Variants in EPCIP observed in about 807,000 individuals in gnomAD.
EPCIP encodes the protein exosomal polycystin 1 interacting protein, also known as exosomal polycystin-1-interacting protein.
the EPCIP span, among the ~76,000 whole-genome samples, chr21:32,810,920 A>G: frequency 2.0e-5 from 3 of 152,304 alleles, no homozygotes; most frequent in South Asian, 4.1e-4. Flanking sequence ...GCAAATTGTC[A>G]TTGATAAAGA....
chr21:32,796,377 A>G, the EPCIP span, among the ~76,000 whole-genome samples: 1 of 152,178 alleles, frequency 6.6e-6, no homozygotes, highest in Non-Finnish European at 1.5e-5. Flanking sequence ...AAAGACCTGG[A>G]TCCTATCCTC....
At chr21:32,805,117 A>T in the EPCIP span, among the ~76,000 whole-genome samples, 3 of 152,208 alleles carry the variant, frequency 2.0e-5, no homozygotes, top group African/African-American at 7.2e-5. Flanking sequence ...GGGTCCTTAT[A>T]AGAAGAAGGC....
At chr21:32,791,816 T>C in the EPCIP span, among the ~76,000 whole-genome samples, 7 of 152,160 alleles carry the variant, frequency 4.6e-5, no homozygotes, top group Non-Finnish European at 8.8e-5. Flanking sequence ...TTTCTTATCA[T>C]TATGGTATCA....
At chr21:32,792,329 A>C in the EPCIP span, among the ~76,000 whole-genome samples, 1 of 152,258 alleles carries the variant, frequency 6.6e-6, no homozygotes. Context: ...GTCATATAAA[A>C]TGCCTTCACT....
At chr21:32,807,419 G>A in the EPCIP span, among the ~76,000 whole-genome samples, 2 of 139,000 alleles carry the variant, frequency 1.4e-5, no homozygotes, top group Non-Finnish European at 3.0e-5. Context: ...CACAACCTCC[G>A]CCTCCCGGGT....
the EPCIP span, among the ~76,000 whole-genome samples, chr21:32,808,467 G>A: frequency 3.3e-5 from 5 of 152,162 alleles, no homozygotes; most frequent in Admixed American, 2.0e-4. Flanking sequence ...TTTCAACTGT[G>A]TTCAAGCTAT....
the EPCIP span, among the ~76,000 whole-genome samples, chr21:32,791,965 C>T: frequency 6.5e-4 from 98 of 150,166 alleles, 1 homozygote; most frequent in South Asian, 2.3e-3. Context: ...AGTGCAGTGG[C>T]GCAATCTTGG....
At chr21:32,792,604 A>G in the EPCIP span, among the ~76,000 whole-genome samples, 1 of 152,200 alleles carries the variant, frequency 6.6e-6, no homozygotes, top group Admixed American at 6.5e-5. Flanking sequence ...AAGACAGACC[A>G]TGCAAAGAAA....
chr21:32,794,355 A>G, the EPCIP span: 1 of 1,614,238 alleles, frequency 6.2e-7, no homozygotes, highest in Non-Finnish European at 8.5e-7. Flanking sequence ...CCTTTGGTGA[A>G]GCAGTTAAGT....
At chr21:32,809,324 C>CTTTCT in the EPCIP span, among the ~76,000 whole-genome samples, 1 of 133,618 alleles carries the variant, frequency 7.5e-6, no homozygotes, top group Non-Finnish European at 1.6e-5. Context: ...TTCTTTCTTT[C>CTTTCT]TTTCTTTCTT....
chr21:32,810,461 C>T, the EPCIP span: 4 of 324,924 alleles, frequency 1.2e-5, no homozygotes, highest in Non-Finnish European at 1.8e-5. Flanking sequence ...CGGGGTTTCA[C>T]TGTGTTAGCT....
At chr21:32,795,135 A>T in the EPCIP span, among the ~76,000 whole-genome samples, 1 of 152,196 alleles carries the variant, frequency 6.6e-6, no homozygotes, top group African/African-American at 2.4e-5. Context: ...AAATGTACCT[A>T]GGTAACTGTG....
the EPCIP span, among the ~76,000 whole-genome samples, chr21:32,800,606 A>G: frequency 6.6e-6 from 1 of 152,220 alleles, no homozygotes; most frequent in Non-Finnish European, 1.5e-5. Context: ...TCACGAGGTC[A>G]GGAGTTCGAG....
At chr21:32,810,493 C>T in the EPCIP span, 1 of 450,556 alleles carries the variant, frequency 2.2e-6, no homozygotes, top group Non-Finnish European at 4.5e-6. Flanking sequence ...ACTCTCCTGA[C>T]CTCGTGATCC....
At chr21:32,810,996 A>G in the EPCIP span, among the ~76,000 whole-genome samples, 1 of 152,256 alleles carries the variant, frequency 6.6e-6, no homozygotes, top group Non-Finnish European at 1.5e-5. Flanking sequence ...GAATGAAATC[A>G]GGAACTATCC....
the EPCIP span, chr21:32,793,856 A>C: frequency 6.2e-7 from 1 of 1,614,098 alleles, no homozygotes; most frequent in Non-Finnish European, 8.5e-7. Context: ...AATGCTGGTA[A>C]CGTTTTCAAT....
At chr21:32,806,494 G>A in the EPCIP span, among the ~76,000 whole-genome samples, 1 of 152,212 alleles carries the variant, frequency 6.6e-6, no homozygotes, top group South Asian at 2.1e-4. Context: ...ACGTAGTGGT[G>A]GGAGGAGGCA....
the EPCIP span, among the ~76,000 whole-genome samples, chr21:32,813,323 T>C: frequency 8.5e-5 from 13 of 152,352 alleles, no homozygotes; most frequent in African/African-American, 3.1e-4. Flanking sequence ...TGTCATTCTT[T>C]GCTTAATGCA....
chr21:32,794,552 C>T, the EPCIP span: 24 of 869,810 alleles, frequency 2.8e-5, no homozygotes, highest in East Asian at 4.5e-4. Context: ...GAAAAGGAAC[C>T]CCAGAAAAAA....
Sources: allele counts gnomAD v4.1 joint callset (sites outside exome capture counted in the v4.1 genomes callset), GRCh38; gene constraint gnomAD v4.1.1; transcripts MANE v1.5; gene names NCBI Gene and HGNC (gene_info 2026-07-23, HGNC 2026-07-21).